DPYSL5: variants seen among roughly 807,000 people sequenced by gnomAD.
The protein encoded by DPYSL5 is dihydropyrimidinase-related protein 5.
In DPYSL5, 9 loss-of-function variants were observed where a neutral mutation model predicts 58.4. That is an observed-to-expected ratio of 0.15 (90% CI 0.09 to 0.27). The LOEUF is 0.27. Among genes scored for constraint, DPYSL5 ranks in the 10% least tolerant of loss-of-function variants. The pLI is 1.00. For synonymous variants in DPYSL5, 293 were observed against 301.9 expected (o/e 0.97, Z 0.31); for missense variants, 499 against 770.6 (o/e 0.65, Z 4.17).
chr2:26,870,272 A>C (rs989678824), intron 1 of DPYSL5, among the ~76,000 whole-genome samples: 2 of 151,988 alleles, frequency 1.3e-5, no homozygotes, highest in African/African-American at 4.8e-5. Context: ...TAGAATTTTT[A>C]TTGGGAATGG....
chr2:26,884,860 T>C (rs1341145246), intron 1 of DPYSL5, among the ~76,000 whole-genome samples: 1 of 152,186 alleles, frequency 6.6e-6, no homozygotes, highest in African/African-American at 2.4e-5. Context: ...TCCTGCTTGC[T>C]TGGGGCCCAA....
intron 1 of DPYSL5, among the ~76,000 whole-genome samples, chr2:26,888,040 C>T (rs1264540286): frequency 6.6e-6 from 1 of 152,180 alleles, no homozygotes; most frequent in African/African-American, 2.4e-5. Flanking sequence ...AGTGTGACAC[C>T]TTCCCTTTAG....
intron 1 of DPYSL5, among the ~76,000 whole-genome samples, chr2:26,896,094 A>G (rs967376637): frequency 4.0e-5 from 6 of 151,880 alleles, no homozygotes; most frequent in African/African-American, 1.5e-4. Flanking sequence ...CTCTATTTCT[A>G]TGGATCAACT....
intron 9 of DPYSL5, among the ~76,000 whole-genome samples, chr2:26,941,184 C>T (rs918569464): frequency 3.3e-5 from 5 of 152,026 alleles, no homozygotes; most frequent in African/African-American, 7.2e-5. Context: ...GTGATCCGCC[C>T]GTCTTGGCCT....
At chr2:26,923,143 C>T (rs1664743617) in intron 2 of DPYSL5, among the ~76,000 whole-genome samples, 1 of 151,936 alleles carries the variant, frequency 6.6e-6, no homozygotes, top group African/African-American at 2.4e-5. Flanking sequence ...TCATGGAGCT[C>T]TTTTTCTCCC....
intron 1 of DPYSL5, among the ~76,000 whole-genome samples, chr2:26,864,244 CATAAA>C (rs1472418454): frequency 6.6e-6 from 1 of 152,190 alleles, no homozygotes; most frequent in African/African-American, 2.4e-5. Flanking sequence ...GACCCTGTCT[CATAAA>C]AGAAAAGAAA....
At chr2:26,860,167 T>C (rs1334281193) in intron 1 of DPYSL5, among the ~76,000 whole-genome samples, 2 of 152,154 alleles carry the variant, frequency 1.3e-5, no homozygotes, top group Non-Finnish European at 2.9e-5. Context: ...AAGTGCTAAG[T>C]GGAGCTAATG....
chr2:26,884,061 T>A (rs557194184), intron 1 of DPYSL5, among the ~76,000 whole-genome samples: 1 of 152,110 alleles, frequency 6.6e-6, no homozygotes, highest in Non-Finnish European at 1.5e-5. Flanking sequence ...GCAGCTGCCA[T>A]CCTTCCAGGG....
Position 26,924,659 on chromosome 2 carries a change from C to T in DPYSL5, c.262-228C>T, listed in dbSNP as rs551938913. Among the ~76,000 whole-genome samples, 19 of 152,194 alleles carry T rather than the reference C, an allele frequency of 1.2e-4. No individual in the cohort carries two copies. Among genetic ancestry groups the T allele is most frequent in the South Asian group, 4.2e-4 (2 of 4,806 alleles). ...CCAGCGCGCCAAGCTGAAACCCTGG[C>T]GGAGGAAGAAGCAGGTTTGGGGACC... On this transcript the variant is annotated intron_variant, in intron 2 of 12. Coordinates refer to ENST00000288699, the MANE Select transcript of DPYSL5 (RefSeq NM_020134.4). This position sits in a 1 kb window ranked among gnomAD's most constrained non-coding sequence, Gnocchi z 4.7.
rs1665740634 is a variant in DPYSL5, at chr2:26,851,161, T to G, written c.-5+2907T>G. 2.6e-5 allele frequency among the ~76,000 whole-genome samples: 4 copies of G among 152,326 alleles called. No homozygotes were observed. In the South Asian group the frequency reaches 6.2e-4, roughly 24 times the overall value. On this transcript the variant is annotated intron_variant, in intron 1 of 12. Transcript: ENST00000288699. Reference sequence around the variant, plus strand: ...CTCCAATGGGAAACATGTTTTCATATTATTACCCAAAGGGAACAATTTCAG... The same window carrying G: ...CTCCAATGGGAAACATGTTTTCATAGTATTACCCAAAGGGAACAATTTCAG...
chr2:26,892,859 G>A (rs1394524939), intron 1 of DPYSL5, among the ~76,000 whole-genome samples: 1 of 151,180 alleles, frequency 6.6e-6, no homozygotes, highest in African/African-American at 2.4e-5. Flanking sequence ...AAGAACCAAA[G>A]CCATTTTCTT....
At chr2:26,938,381 A>G (rs1665236370) in intron 8 of DPYSL5, 1 of 152,260 alleles carries the variant, frequency 6.6e-6, no homozygotes, top group African/African-American at 2.4e-5. Context: ...GGAGAAAGGA[A>G]ACCCTAAAGA....
At chr2:26,857,435 G>A (rs1484519157) in intron 1 of DPYSL5, among the ~76,000 whole-genome samples, 1 of 152,054 alleles carries the variant, frequency 6.6e-6, no homozygotes, top group Non-Finnish European at 1.5e-5. Flanking sequence ...AGCTACTTGG[G>A]AAGCTGAGGC....
intron 1 of DPYSL5, among the ~76,000 whole-genome samples, chr2:26,889,308 T>C (rs1318454303): frequency 1.3e-5 from 2 of 151,846 alleles, no homozygotes; most frequent in Non-Finnish European, 2.9e-5. Flanking sequence ...CTTGCTCTGT[T>C]GCCCAGGCTG....
In DPYSL5 at chr2:26,947,707, T is replaced by A. The variant is rs1446153309; in HGVS notation, c.*712T>A. On this transcript the variant is annotated 3_prime_UTR_variant, in exon 13 of 13. Transcript: ENST00000288699. The surrounding 1 kb of genome is among the most constrained non-coding windows in gnomAD (Gnocchi z 4.2). ...CGTTTGGTTTGCGCAGTAGTTTGGTTTGACTTGTTTGTGCATCCTGTGAAA... is the reference window on the plus strand; with the variant it reads ...CGTTTGGTTTGCGCAGTAGTTTGGTATGACTTGTTTGTGCATCCTGTGAAA... 6.5e-6 allele frequency: 1 copy of A among 152,882 alleles called. No homozygotes were observed. Among genetic ancestry groups the A allele is most frequent in the Non-Finnish European group, 1.5e-5 (1 of 68,214 alleles). The allele number at this position is 152,882 out of a possible 1,614,324, so 9.5% of individuals were successfully genotyped here.
intron 1 of DPYSL5, among the ~76,000 whole-genome samples, chr2:26,876,333 G>A (rs1384303434): frequency 2.0e-5 from 3 of 152,276 alleles, no homozygotes; most frequent in East Asian, 3.9e-4. Flanking sequence ...CACTGGGTGC[G>A]TCCCAGTGCA....
At chr2:26,858,493 C>T (rs1665934112) in intron 1 of DPYSL5, among the ~76,000 whole-genome samples, 1 of 151,994 alleles carries the variant, frequency 6.6e-6, no homozygotes, top group Non-Finnish European at 1.5e-5. Context: ...TTCTTTAAAA[C>T]CTCGACTTAC....
chr2:26,938,741 C>T (rs1665243829), intron 8 of DPYSL5: 1 of 152,160 alleles, frequency 6.6e-6, no homozygotes, highest in African/African-American at 2.4e-5. Context: ...CTTAGATGGC[C>T]CACAGGCACT....
chr2:26,890,878 G>A (rs183889553), intron 1 of DPYSL5, among the ~76,000 whole-genome samples: 4 of 152,230 alleles, frequency 2.6e-5, no homozygotes, highest in East Asian at 3.9e-4. Flanking sequence ...GAGAGAAAGC[G>A]AGCTCTCTGG....
Sources: gnomAD v4.1 joint callset for allele counts (sites outside exome capture counted in the v4.1 genomes callset) on GRCh38, gnomAD v4.1.1 for gene constraint, Gnocchi (gnomAD v3.1) non-coding constraint, MANE v1.5 for transcripts, NCBI Gene and HGNC (gene_info 2026-07-23, HGNC 2026-07-21) for gene names.